RIMS2: variants seen among roughly 807,000 people sequenced by gnomAD.
RIMS2 encodes the protein regulating synaptic membrane exocytosis protein 2.
A neutral mutation model predicts 174.4 loss-of-function variants in RIMS2; 59 were observed. That is an observed-to-expected ratio of 0.34 (90% CI 0.27 to 0.42). The LOEUF (loss-of-function observed/expected upper bound fraction) is 0.42. RIMS2 is among the 10% of genes least tolerant of loss of function. The pLI, the probability that RIMS2 is intolerant of heterozygous loss-of-function variation, is 1.00. For synonymous variants in RIMS2, 606 were observed against 572.5 expected, an observed-to-expected ratio of 1.06 and a Z score of -0.84; for missense variants, 1,620 against 1,666.3, an observed-to-expected ratio of 0.97 and a Z score of 0.48.
At position 103,892,591 on chromosome 8, in the gene RIMS2, G is replaced by A. The variant is rs573320664; in HGVS notation, c.1624+6368G>A. ...CTCTTATGTATTCACTCCACCTATC[G>A]GTAAAATAATCTTATGCTAAATAAT... On this transcript the variant is annotated intron_variant, in intron 4 of 23. Coordinates refer to ENST00000504942, the Ensembl canonical transcript of RIMS2. Among the ~76,000 whole-genome samples, 41 of 151,962 alleles carry A rather than the reference G, an allele frequency of 2.7e-4. No individual in the cohort carries two copies. In the East Asian group the frequency reaches 3.7e-3, roughly 14 times the overall value.
Position 104,006,626 on chromosome 8 carries a change from TTCTCTCTCTCTCTCTC to T in RIMS2, c.3045-6788_3045-6773del, listed in dbSNP as rs55665972. Among the ~76,000 whole-genome samples, 351 of 138,174 alleles carry T rather than the reference TTCTCTCTCTCTCTCTC, an allele frequency of 2.5e-3. 2 individuals are homozygous for T. Among genetic ancestry groups the T allele is most frequent in the Non-Finnish European group, 3.9e-3 (253 of 64,518 alleles). 90.6% of individuals were successfully genotyped at this position (138,174 alleles called of 152,430 possible). A position where few individuals can be genotyped will look rare whatever the true frequency, so the allele number is the denominator to read the frequency against. ...TCAAGCTAACTTGAGAGTGATCTATTTCTCTCTCTCTCTCTCTCTCTCTCTCTCTCTCTCTCTCTCT... is the reference window on the plus strand; with the variant it reads ...TCAAGCTAACTTGAGAGTGATCTATTTCTCTCTCTCTCTCTCTCTCTCTCT... On this transcript the variant is annotated intron_variant, in intron 17 of 23. Coordinates refer to ENST00000504942, the Ensembl canonical transcript of RIMS2.
At chr8:103,895,300 G>A (rs942722784) in intron 4 of RIMS2, among the ~76,000 whole-genome samples, 3 of 151,050 alleles carry the variant, frequency 2.0e-5, no homozygotes, top group Non-Finnish European at 2.9e-5. Flanking sequence ...AATTACCATA[G>A]ACTGGATAGC....
At chr8:103,718,329 TTTA>T (rs2097400017) in intron 2 of RIMS2, among the ~76,000 whole-genome samples, 1 of 152,194 alleles carries the variant, frequency 6.6e-6, no homozygotes, top group African/African-American at 2.4e-5. Context: ...TTGCTGTATA[TTTA>T]TTATTGTTCA....
chr8:103,881,193 C>T (rs2099165791), intron 3 of RIMS2, among the ~76,000 whole-genome samples: 1 of 151,354 alleles, frequency 6.6e-6, no homozygotes, highest in Non-Finnish European at 1.5e-5. Flanking sequence ...AAATTTTGCA[C>T]TGTATGTCCA....
chr8:103,671,715 G>A (rs1593491), intron 1 of RIMS2, among the ~76,000 whole-genome samples: 26,904 of 152,120 alleles, frequency 0.18, 2,579 homozygotes, highest in African/African-American at 0.24. Flanking sequence ...AAATTTGGTT[G>A]TTTCTGTGGC....
intron 4 of RIMS2, among the ~76,000 whole-genome samples, chr8:103,887,227 T>C (rs2099208727): frequency 6.6e-6 from 1 of 151,772 alleles, no homozygotes; most frequent in Non-Finnish European, 1.5e-5. Flanking sequence ...GTTCATTCCT[T>C]TAATTCCTTC....
At chr8:103,825,156 T>C (rs1270954031) in intron 3 of RIMS2, among the ~76,000 whole-genome samples, 3 of 152,200 alleles carry the variant, frequency 2.0e-5, no homozygotes, top group Non-Finnish European at 1.5e-5. Flanking sequence ...CAGAACCAAC[T>C]GTTGTACTGC....
chr8:104,228,413 A>C (rs1419835884), intron 19 of RIMS2, among the ~76,000 whole-genome samples: 1 of 152,204 alleles, frequency 6.6e-6, no homozygotes, highest in East Asian at 1.9e-4. Context: ...TATAGTAAAT[A>C]ATGTACTTAA....
intron 1 of RIMS2, among the ~76,000 whole-genome samples, chr8:103,601,361 G>T (rs954058661): frequency 6.6e-6 from 1 of 152,064 alleles, no homozygotes; most frequent in Non-Finnish European, 1.5e-5. Flanking sequence ...AGTGTTGGTT[G>T]CGTATATATT....
intron 15 of RIMS2, among the ~76,000 whole-genome samples, chr8:103,964,573 A>G (rs987036599): frequency 5.3e-5 from 8 of 152,122 alleles, no homozygotes; most frequent in African/African-American, 1.9e-4. Flanking sequence ...ACAGTCCTTT[A>G]TAAAATGTGT....
rs188052112 is a variant in RIMS2 at position 103,878,867 on chromosome 8, T to C, written c.699-6431T>C. ...AATATTGTCATGAATAAAATAAAAA[T>C]TAATTTAGCATCTGATTCACAGAAT... On this transcript the variant is annotated intron_variant, in intron 3 of 23. Transcript: ENST00000504942. Among the ~76,000 whole-genome samples the C allele has an allele frequency of 2.0e-5, 3 of 151,308 alleles. No homozygotes were observed. In the Admixed American group the frequency reaches 2.0e-4, roughly 10 times the overall value.
chr8:103,680,020 C>A (rs1393838268), intron 1 of RIMS2, among the ~76,000 whole-genome samples: 1 of 152,038 alleles, frequency 6.6e-6, no homozygotes, highest in African/African-American at 2.4e-5. Context: ...ACCACAAGGC[C>A]TAAATTAGCT....
intron 1 of RIMS2, among the ~76,000 whole-genome samples, chr8:103,614,495 C>T (rs1041016992): frequency 3.3e-5 from 5 of 152,238 alleles, no homozygotes; most frequent in African/African-American, 9.6e-5. Flanking sequence ...AAGCCAGTTA[C>T]TGTGATTGCT....
intron 1 of RIMS2, among the ~76,000 whole-genome samples, chr8:103,525,828 G>C (rs546944642): frequency 6.6e-6 from 1 of 152,104 alleles, no homozygotes; most frequent in African/African-American, 2.4e-5. Flanking sequence ...AAATTGAGAG[G>C]TGCACTTCTG....
intron 3 of RIMS2, among the ~76,000 whole-genome samples, chr8:103,875,915 GA>G: frequency 6.6e-6 from 1 of 152,110 alleles, no homozygotes; most frequent in South Asian, 2.1e-4. Flanking sequence ...CTTCTTTTGA[GA>G]AATGTTTGTT....
At chr8:103,880,506 A>G (rs76209418) in intron 3 of RIMS2, 63,831 of 380,570 alleles carry the variant, frequency 0.17, 5,539 homozygotes, top group Middle Eastern at 0.2. Context: ...ATTTTTTAGT[A>G]ACTTAGTTTT....
chr8:103,819,418 C>A, intron 3 of RIMS2: 2 of 1,583,420 alleles, frequency 1.3e-6, no homozygotes, highest in Non-Finnish European at 8.5e-7. Flanking sequence ...ACTTGATTGG[C>A]GTGTTTTTAT....
At chr8:104,130,483 TC>T (rs1259817957) in intron 19 of RIMS2, among the ~76,000 whole-genome samples, 2 of 152,168 alleles carry the variant, frequency 1.3e-5, no homozygotes, top group Non-Finnish European at 2.9e-5. Flanking sequence ...TTTCTTGGTT[TC>T]CCAAGCCTAT....
chr8:104,070,091 G>T (rs966720027), intron 19 of RIMS2, among the ~76,000 whole-genome samples: 15 of 152,082 alleles, frequency 9.9e-5, no homozygotes, highest in Admixed American at 7.2e-4. Context: ...ATAACCTCAA[G>T]AACTAATTAA....
Sources: gnomAD v4.1 joint callset for allele counts (sites outside exome capture counted in the v4.1 genomes callset) on GRCh38, gnomAD v4.1.1 for gene constraint, MANE v1.5 for transcripts, NCBI Gene and HGNC (gene_info 2026-07-23, HGNC 2026-07-21) for gene names.